Variants in ARSF observed in about 807,000 individuals in gnomAD.
ARSF encodes arylsulfatase F.
In ARSF, 33 loss-of-function variants were observed where a neutral mutation model predicts 35.4. The observed-to-expected ratio is 0.93, with a 90% CI of 0.71 to 1.25. ARSF has a LOEUF of 1.25. Among genes scored for constraint, ARSF ranks in the 50% most tolerant of loss-of-function variants. The pLI, the probability that ARSF is intolerant of heterozygous loss-of-function variation, is 0.00. For synonymous variants in ARSF, 222 were observed against 193.1 expected (o/e 1.15, Z -1.24); for missense variants, 501 against 480.2 (o/e 1.04, Z -0.40).
intron 6 of ARSF, among the ~76,000 whole-genome samples, chrX:3,085,949 T>C (rs749047511): frequency 9.1e-6 from 1 of 110,134 alleles, no homozygotes; most frequent in Non-Finnish European, 1.9e-5. Flanking sequence ...TGAATCCGGG[T>C]GGCGGAGGTT....
intron 7 of ARSF, among the ~76,000 whole-genome samples, chrX:3,094,084 G>C (rs2090322660): frequency 1.8e-5 from 2 of 111,947 alleles, no homozygotes; most frequent in Non-Finnish European, 3.8e-5. Context: ...ACTTTTAAAA[G>C]TGATACTTCC....
At chrX:3,058,427 G>A (rs763229931) in intron 1 of ARSF, 54 of 213,245 alleles carry the variant, frequency 2.5e-4, no homozygotes, top group African/African-American at 9.8e-4. Context: ...TCAGCCTAGC[G>A]CACCATAGCC....
At chrX:3,058,734 G>A in intron 1 of ARSF, 2 of 249,271 alleles carry the variant, frequency 8.0e-6, no homozygotes, top group Non-Finnish European at 1.5e-5. Flanking sequence ...AGTGGTGCAT[G>A]CCTGTAGTTC....
chrX:3,112,199 T>C lies in ARSF; in HGVS notation c.1416T>C (p.Tyr472=), dbSNP rs961256284. 1 of 1,206,596 alleles carries C rather than the reference T, an allele frequency of 8.3e-7. No homozygotes were observed. The highest frequency in any genetic ancestry group is 1.8e-5 in the African/African-American group (1 of 56,737). Residue 472 remains tyrosine, a synonymous_variant, in exon 11 of 11, where the codon TAT becomes TAC. Transcript: ENST00000381127. ...GTGGGTCAGTTTGGAAGGCTCACTA[T>C]GTGACCCCGGTATTCCAGCCACCAG... ...DDSGSVWKAH[Y]VTPVFQPPAS... is the part of the protein sequence containing the mutation.
rs2090435029 is a variant in ARSF at position 3,110,155 on chromosome X, C to G, written c.1293C>G (p.Pro431=). Residue 431 remains proline (P), a synonymous_variant, in exon 10 of 11, where the codon CCC becomes CCG. Transcript: ENST00000381127. ...DRVIDGRDLM[P]LLQGNVRHSE... ...TCATTGACGGCCGAGACCTCATGCC[C>G]TTGCTGCAGGGCAACGTCAGGCACT... 3 of 1,199,076 alleles carry G rather than the reference C, an allele frequency of 2.5e-6. No homozygotes were observed. The highest frequency in any genetic ancestry group is 3.0e-5 in the East Asian group (1 of 33,207).
chrX:3,056,935 T>C (rs1176749411), intron 1 of ARSF, among the ~76,000 whole-genome samples: 1 of 111,428 alleles, frequency 9.0e-6, no homozygotes, highest in Non-Finnish European at 1.9e-5. Context: ...CGACTGACAC[T>C]GATCCTCTCT....
At chrX:3,045,592 G>C (rs1346683995) in intron 1 of ARSF, among the ~76,000 whole-genome samples, 1 of 91,353 alleles carries the variant, frequency 1.1e-5, no homozygotes, top group Admixed American at 1.3e-4. Context: ...TTTTGCTCTT[G>C]TTGCCCAGGC....
intron 10 of ARSF, among the ~76,000 whole-genome samples, chrX:3,111,389 T>C (rs1022951553): frequency 1.3e-4 from 15 of 111,824 alleles, no homozygotes; most frequent in African/African-American, 4.5e-4. Flanking sequence ...AAATTGGGGA[T>C]ATCTAGTGAT....
intron 4 of ARSF, among the ~76,000 whole-genome samples, chrX:3,079,457 G>A (rs2090180324): frequency 9.5e-6 from 1 of 105,609 alleles, no homozygotes; most frequent in Non-Finnish European, 1.9e-5. Context: ...CGATTCTCCT[G>A]CCTCAGCCTC....
chrX:3,082,730 T>C (rs1379128826), intron 5 of ARSF, among the ~76,000 whole-genome samples: 1 of 111,841 alleles, frequency 8.9e-6, no homozygotes. Flanking sequence ...TCATATTTAT[T>C]ACATCTATGT....
chrX:3,068,613 C>T lies in ARSF; in HGVS notation c.11+502C>T, dbSNP rs776492903. The stretch of plus-strand genomic sequence containing the variant: ...TTTTTATTTTTATTTTTTGTAGAGA[C>T]AGGTTCTCATTTTGTTGCCCAGGTT... On this transcript the variant is annotated intron_variant, in intron 2 of 10. Coordinates refer to ENST00000381127, the MANE Select transcript of ARSF (RefSeq NM_001201539.2). Among the ~76,000 whole-genome samples, 13 of 110,331 alleles carry T rather than the reference C, an allele frequency of 1.2e-4. No individual in the cohort carries two copies. In the South Asian group the frequency reaches 1.2e-3, roughly 10 times the overall value.
chrX:3,048,684 CA>C (rs1169901563), intron 1 of ARSF, among the ~76,000 whole-genome samples: 13 of 112,209 alleles, frequency 1.2e-4, no homozygotes, highest in African/African-American at 4.2e-4. Context: ...ACCTTGGGCA[CA>C]TGTCGTCAGG....
intron 1 of ARSF, among the ~76,000 whole-genome samples, chrX:3,045,554 C>CTTTTTT (rs780857677): frequency 1.1e-5 from 1 of 89,912 alleles, no homozygotes; most frequent in African/African-American, 4.0e-5. Flanking sequence ...CTGGGCTAAT[C>CTTTTTT]TTTTTTTTTT....
chrX:3,069,587 C>T (rs1426189922), intron 2 of ARSF, among the ~76,000 whole-genome samples: 2 of 111,553 alleles, frequency 1.8e-5, no homozygotes, highest in Non-Finnish European at 3.8e-5. Context: ...GCTGGGATTA[C>T]AGGTGTGAGC....
intron 7 of ARSF, among the ~76,000 whole-genome samples, chrX:3,090,114 A>G (rs2090278422): frequency 9.0e-6 from 1 of 111,066 alleles, no homozygotes; most frequent in Admixed American, 9.6e-5. Context: ...TATTGTACTG[A>G]TCTGTGTGTC....
At chrX:3,105,831 G>A (rs1403751775) in intron 9 of ARSF, among the ~76,000 whole-genome samples, 2 of 112,154 alleles carry the variant, frequency 1.8e-5, no homozygotes, top group African/African-American at 3.2e-5. Flanking sequence ...AAACTATGGA[G>A]AAGCCCAGCT....
At chrX:3,102,769 G>C (rs1366989536) in intron 8 of ARSF, among the ~76,000 whole-genome samples, 1 of 110,759 alleles carries the variant, frequency 9.0e-6, no homozygotes, top group African/African-American at 3.3e-5. Flanking sequence ...AAAATTAGCT[G>C]GGCATAGTGG....
rs141233446 is a variant in ARSF, at chrX:3,076,663, C to A, written c.277C>A (p.Arg93=). The change falls in exon 4 of 11, where the codon CGA becomes AGA. Residue 93 remains arginine (R), a synonymous_variant. Transcript: ENST00000381127. ...SAFLTGRYPI[R]SGMVSSGNRR... ...GTTCTTGACGGGAAGATACCCCATC[C>A]GATCAGGTGCGCAAACTGGCGGGCT... 4.1e-6 allele frequency: 5 copies of A among 1,208,946 alleles called. No homozygotes were observed. In the South Asian group the frequency reaches 7.1e-5, roughly 17 times the overall value.
At position 3,072,039 on chromosome X, in the gene ARSF, T is replaced by C; in HGVS notation, c.25T>C (p.Phe9Leu). Residue 9 changes from phenylalanine (F) to leucine (L), a missense_variant, in exon 3 of 11, where the codon TTC becomes CTC. By Grantham distance (22) the Phe-to-Leu change is conservative (BLOSUM62 0). Transcript: ENST00000381127. Reference protein sequence around the residue: MRPRRPLVFMSLVCALLNT... With the variant: MRPRRPLVLMSLVCALLNT... Reference sequence around the variant, plus strand: ...CTTGCTTTCCAGGAGACCCTTGGTCTTCATGTCTTTGGTGTGTGCACTCTT... The same window carrying C: ...CTTGCTTTCCAGGAGACCCTTGGTCCTCATGTCTTTGGTGTGTGCACTCTT... 8.3e-7 allele frequency: 1 copy of C among 1,211,566 alleles called. No homozygotes were observed. The highest frequency in any genetic ancestry group is 1.1e-6 in the Non-Finnish European group (1 of 895,412).
Sources: allele counts gnomAD v4.1 joint callset (sites outside exome capture counted in the v4.1 genomes callset), GRCh38; gene constraint gnomAD v4.1.1; transcripts MANE v1.5; gene names NCBI Gene and HGNC (gene_info 2026-07-23, HGNC 2026-07-21).